Variants in HDAC9 observed in about 807,000 individuals in gnomAD.
HDAC9 encodes the protein histone deacetylase 9.
A neutral mutation model predicts 139.4 loss-of-function variants in HDAC9; 41 were observed. That is an observed-to-expected ratio of 0.29 (90% CI 0.23 to 0.38). HDAC9 has a LOEUF of 0.38. Among genes scored for constraint, HDAC9 ranks in the 10% least tolerant of loss-of-function variants. HDAC9 has a pLI of 1.00. For synonymous variants in HDAC9, 517 were observed against 476.2 expected (o/e 1.09, Z -1.12); for missense variants, 1,147 against 1,297.0 (o/e 0.88, Z 1.78).
intron 1 of HDAC9, among the ~76,000 whole-genome samples, chr7:18,146,910 A>G (rs1328358880): frequency 1.3e-5 from 2 of 152,204 alleles, no homozygotes; most frequent in Non-Finnish European, 2.9e-5. Context: ...AAAAAGAGAA[A>G]AATAGGAATT....
chr7:18,515,096 AAGAG>A (rs1363431730), intron 2 of HDAC9, among the ~76,000 whole-genome samples: 5 of 152,188 alleles, frequency 3.3e-5, no homozygotes, highest in African/African-American at 7.2e-5. Flanking sequence ...TAAAAACAGA[AAGAG>A]AGATTATATT....
At chr7:18,916,017 C>A (rs539752776) in intron 22 of HDAC9, among the ~76,000 whole-genome samples, 1 of 56,436 alleles carries the variant, frequency 1.8e-5, no homozygotes, top group East Asian at 4.9e-4. Context: ...TCTCACCCCC[C>A]GCTGGAAAAA....
At chr7:18,973,207 A>G (rs1355390801) in intron 24 of HDAC9, among the ~76,000 whole-genome samples, 1 of 152,138 alleles carries the variant, frequency 6.6e-6, no homozygotes, top group African/African-American at 2.4e-5. Flanking sequence ...CTTGGCACAT[A>G]TTTAGTTCTC....
intron 1 of HDAC9, among the ~76,000 whole-genome samples, chr7:18,354,035 G>C (rs1441271081): frequency 6.6e-6 from 1 of 151,762 alleles, no homozygotes; most frequent in Non-Finnish European, 1.5e-5. Context: ...AAACCATTTG[G>C]GACTTAGCAA....
At chr7:18,534,252 G>A (rs1479619465) in intron 2 of HDAC9, among the ~76,000 whole-genome samples, 1 of 152,194 alleles carries the variant, frequency 6.6e-6, no homozygotes, top group Non-Finnish European at 1.5e-5. Flanking sequence ...GTGTGTATGT[G>A]GTTAGAAAGA....
intron 1 of HDAC9, among the ~76,000 whole-genome samples, chr7:18,484,357 T>C (rs1795813972): frequency 6.6e-6 from 1 of 151,562 alleles, no homozygotes; most frequent in African/African-American, 2.4e-5. Flanking sequence ...TAAATGTCTA[T>C]AGGTATTGAA....
At chr7:18,264,719 G>T (rs1168831958) in intron 2 of HDAC9, among the ~76,000 whole-genome samples, 1 of 152,110 alleles carries the variant, frequency 6.6e-6, no homozygotes, top group Non-Finnish European at 1.5e-5. Flanking sequence ...CTGCTGTTTG[G>T]ATTTTCTTTC....
At chr7:18,720,156 C>A (rs1584910992) in intron 12 of HDAC9, among the ~76,000 whole-genome samples, 1 of 152,042 alleles carries the variant, frequency 6.6e-6, no homozygotes, top group African/African-American at 2.4e-5. Flanking sequence ...ATGGTAGTAT[C>A]TATCCATATA....
rs533256951 is a variant in HDAC9 at position 18,513,786 on chromosome 7, T to G, written c.22+17462T>G. Among the ~76,000 whole-genome samples, 64 of 152,324 alleles carry G rather than the reference T, an allele frequency of 4.2e-4. 1 individual carries two copies. The highest frequency in any genetic ancestry group is 3.4e-3 in the Middle Eastern group (1 of 294). ...TGCCATCCTTAAAAATGTTAGGGAT[T>G]TGACTTTTTAATTCCCTAAACCAGA... On this transcript the variant is annotated intron_variant, in intron 2 of 25. Coordinates refer to ENST00000686413, the MANE Select transcript of HDAC9 (RefSeq NM_178425.4).
chr7:18,684,078 A>G (rs1328139821), intron 12 of HDAC9, among the ~76,000 whole-genome samples: 1 of 148,942 alleles, frequency 6.7e-6, no homozygotes, highest in African/African-American at 2.5e-5. Flanking sequence ...GTAGCATGGC[A>G]AAATCCCATC....
chr7:18,981,486 A>G (rs933162888), intron 25 of HDAC9, among the ~76,000 whole-genome samples: 1 of 152,198 alleles, frequency 6.6e-6, no homozygotes, highest in African/African-American at 2.4e-5. Flanking sequence ...TCACTGAGCT[A>G]AAAGCAATGT....
chr7:18,741,811 C>T (rs1250162966), intron 13 of HDAC9, among the ~76,000 whole-genome samples: 1 of 152,112 alleles, frequency 6.6e-6, no homozygotes, highest in Non-Finnish European at 1.5e-5. Context: ...TCAACATTGA[C>T]AAGTGATTGA....
At chr7:18,883,693 TTAGACAAGAAAAAGAAATG>T (rs1437173080) in intron 22 of HDAC9, among the ~76,000 whole-genome samples, 1 of 151,974 alleles carries the variant, frequency 6.6e-6, no homozygotes, top group Non-Finnish European at 1.5e-5. Flanking sequence ...TCCAGAGAAA[TTAGACAAGAAAAAGAAATG>T]AAGGGCATCC....
At chr7:18,567,621 A>G (rs1000798369) in intron 2 of HDAC9, among the ~76,000 whole-genome samples, 1 of 152,170 alleles carries the variant, frequency 6.6e-6, no homozygotes, top group Non-Finnish European at 1.5e-5. Context: ...TGTATTTCCT[A>G]TGATTTTGGG....
At chr7:18,657,566 G>A (rs536939997) in intron 11 of HDAC9, among the ~76,000 whole-genome samples, 1 of 152,182 alleles carries the variant, frequency 6.6e-6, no homozygotes, top group South Asian at 2.1e-4. Context: ...ATTTTTAAAA[G>A]GACATAAAAT....
intron 2 of HDAC9, among the ~76,000 whole-genome samples, chr7:18,200,276 T>G (rs1791022223): frequency 6.6e-6 from 1 of 152,238 alleles, no homozygotes; most frequent in Admixed American, 6.5e-5. Flanking sequence ...GAATCAGTAG[T>G]TGAAAACACT....
intron 1 of HDAC9, among the ~76,000 whole-genome samples, chr7:18,089,306 G>C (rs1000642543): frequency 6.6e-6 from 1 of 152,120 alleles, no homozygotes; most frequent in African/African-American, 2.4e-5. Context: ...ACTCTGACTA[G>C]AGAGTGTTTA....
chr7:18,341,597 TA>T (rs904260032), intron 1 of HDAC9, among the ~76,000 whole-genome samples: 3 of 151,736 alleles, frequency 2.0e-5, no homozygotes, highest in African/African-American at 4.8e-5. Flanking sequence ...TTGTTCTTTC[TA>T]ATGTCTTTTA....
intron 2 of HDAC9, among the ~76,000 whole-genome samples, chr7:18,531,276 AAAGT>A (rs1209652848): frequency 1.2e-4 from 18 of 152,066 alleles, no homozygotes; most frequent in South Asian, 4.2e-4. Flanking sequence ...AATGATTTGG[AAAGT>A]AAGTAAGTGG....
Sources: gnomAD v4.1 joint callset for allele counts (sites outside exome capture counted in the v4.1 genomes callset) on GRCh38, gnomAD v4.1.1 for gene constraint, MANE v1.5 for transcripts, NCBI Gene and HGNC (gene_info 2026-07-23, HGNC 2026-07-21) for gene names.